Variants in ZFP1 observed in about 807,000 individuals in gnomAD.
The protein encoded by ZFP1 is ZFP1 zinc finger protein, also known as zinc finger protein 1 homolog.
A neutral mutation model predicts 38.5 loss-of-function variants in ZFP1; 32 were observed. The ratio of observed to expected loss-of-function variants is 0.83; its 90% CI spans 0.63 to 1.12. The LOEUF (loss-of-function observed/expected upper bound fraction) is 1.12, where lower values mean the gene tolerates loss of function less well. Among genes scored for constraint, ZFP1 ranks in the 50% most tolerant of loss-of-function variants. The probability of loss-of-function intolerance (pLI) is 0.00; values close to 1 mark genes in which losing one functional copy is unlikely to be tolerated. For missense variants in ZFP1, 616 were observed against 480.8 expected (o/e 1.28, Z -2.63); for synonymous variants, 245 against 168.8 (o/e 1.45, Z -3.50).
At chr16:75,135,231 A>AAAC in the ZFP1 span, among the ~76,000 whole-genome samples, 2 of 8,928 alleles carry the variant, frequency 2.2e-4, no homozygotes, top group East Asian at 1.3e-3. Context: ...AAAAAAAAAA[A>AAAC]AACCACTGGA....
At chr16:75,129,091 G>C in the ZFP1 span, among the ~76,000 whole-genome samples, 5 of 152,284 alleles carry the variant, frequency 3.3e-5, no homozygotes, top group African/African-American at 1.2e-4. Flanking sequence ...CGCCGGGCCA[G>C]CCACTTTCGT....
chr16:75,159,722 A>C (rs1029619093), intron 2 of ZFP1, among the ~76,000 whole-genome samples: 1 of 151,920 alleles, frequency 6.6e-6, no homozygotes, highest in Admixed American at 6.6e-5. Flanking sequence ...TTGCTTTTTC[A>C]CATGTCTAGC....
In ZFP1 at chr16:75,171,829, G is replaced by C. The variant is rs1338662357; in HGVS notation, c.*1495G>C. 6.6e-6 allele frequency: 1 copy of C among 152,114 alleles called. No homozygotes were observed. Among genetic ancestry groups the C allele is most frequent in the East Asian group, 1.9e-4 (1 of 5,196 alleles). The allele number at this position is 152,114 out of a possible 1,614,324, so 9.4% of individuals were successfully genotyped here. On this transcript the variant is annotated 3_prime_UTR_variant, in exon 4 of 4. Transcript: ENST00000570010. ...TCATCTTACTTACTCACAAAGGAGG[G>C]GAAAACGTTATTTTCATAGCTGCTT...
chr16:75,129,215 C>T, the ZFP1 span, among the ~76,000 whole-genome samples: 2 of 152,078 alleles, frequency 1.3e-5, no homozygotes, highest in South Asian at 2.1e-4. Context: ...CTTCAGAGGA[C>T]GTGAGACTTC....
the ZFP1 span, among the ~76,000 whole-genome samples, chr16:75,119,999 A>C: frequency 6.6e-6 from 1 of 152,266 alleles, no homozygotes; most frequent in Non-Finnish European, 1.5e-5. Flanking sequence ...AAACTGAAAG[A>C]GCAATGGCTG....
intron 2 of ZFP1, 33 bp from the exon 3 acceptor site, chr16:75,166,737 C>G: frequency 1.2e-6 from 2 of 1,613,710 alleles, no homozygotes; most frequent in Non-Finnish European, 1.7e-6. Context: ...ACCAAATGAT[C>G]ATCTTAGGAT....
chr16:75,148,483 T>G (rs1024834595), upstream of ZFP1: 1 of 151,682 alleles, frequency 6.6e-6, no homozygotes, highest in African/African-American at 2.4e-5. Flanking sequence ...CCCGCGCCCC[T>G]GTTTCTGCGC....
intron 2 of ZFP1, among the ~76,000 whole-genome samples, chr16:75,155,373 A>G (rs2037419749): frequency 6.6e-6 from 1 of 152,142 alleles, no homozygotes; most frequent in Non-Finnish European, 1.5e-5. Context: ...AGCTCAAGCA[A>G]TCCATGTCCA....
chr16:75,147,422 T>TG (rs775436048), upstream of ZFP1, among the ~76,000 whole-genome samples: 3 of 151,082 alleles, frequency 2.0e-5, no homozygotes, highest in Non-Finnish European at 4.4e-5. Flanking sequence ...GGACTACAGG[T>TG]GCGTGCCACC....
chr16:75,127,247 C>T, the ZFP1 span, among the ~76,000 whole-genome samples: 47,760 of 151,906 alleles, frequency 0.31, 7,676 homozygotes, highest in Non-Finnish European at 0.34. Flanking sequence ...AAAACTCTAA[C>T]AGGTGCTCTT....
chr16:75,152,856 G>A, intron 1 of ZFP1, 53 bp from the exon 2 acceptor site: 1 of 1,533,756 alleles, frequency 6.5e-7, no homozygotes, highest in Non-Finnish European at 8.9e-7. Context: ...TCTAGGAGTT[G>A]TAAGGCAGGT....
chr16:75,158,519 T>A (rs2037581117), intron 2 of ZFP1, among the ~76,000 whole-genome samples: 1 of 151,308 alleles, frequency 6.6e-6, no homozygotes, highest in East Asian at 2.0e-4. Context: ...TTAATTTTTT[T>A]TATTTTTTTT....
At chr16:75,120,496 C>T in the ZFP1 span, among the ~76,000 whole-genome samples, 1 of 151,670 alleles carries the variant, frequency 6.6e-6, no homozygotes, top group African/African-American at 2.4e-5. Context: ...ATTGTTGTTA[C>T]CTGTTTGTGG....
At chr16:75,168,620 G>A (rs779410423) in intron 3 of ZFP1, among the ~76,000 whole-genome samples, 23 of 152,088 alleles carry the variant, frequency 1.5e-4, no homozygotes, top group Non-Finnish European at 2.9e-4. Flanking sequence ...TAGCGAATGA[G>A]TTTCTGGATT....
chr16:75,130,571 T>A, the ZFP1 span, among the ~76,000 whole-genome samples: 1 of 152,262 alleles, frequency 6.6e-6, no homozygotes, highest in East Asian at 1.9e-4. Flanking sequence ...ACTCCTGAGA[T>A]CTTATTGGGA....
At position 75,170,119 on chromosome 16, in the gene ZFP1, T is replaced by A. The variant is rs766673749; in HGVS notation, c.1009T>A (p.Ser337Thr). Residue 337 changes from serine to threonine, a missense_variant, in exon 4 of 4, where the codon TCA (serine) becomes ACA (threonine). By Grantham distance (58) the Ser-to-Thr change is moderately conservative. Coordinates refer to ENST00000570010, the MANE Select transcript of ZFP1 (RefSeq NM_153688.4). ...ATGTGGAAAATCCTTTATCCAGAAC[T>A]CACAGCTCATCATACACATGAGAAC... Reference protein sequence around the residue: ...SECGKSFIQNSQLIIHMRTHT... With the variant: ...SECGKSFIQNTQLIIHMRTHT... 6.2e-7 allele frequency: 1 copy of A among 1,614,050 alleles called. No individual in the cohort carries two copies. The highest frequency in any genetic ancestry group is 8.5e-7 in the Non-Finnish European group (1 of 1,179,948).
chr16:75,141,332 A>C, the ZFP1 span, among the ~76,000 whole-genome samples: 1 of 150,132 alleles, frequency 6.7e-6, no homozygotes, highest in Non-Finnish European at 1.5e-5. Flanking sequence ...CCTCCCGAGT[A>C]GCTGGGACTA....
At chr16:75,121,102 A>G in the ZFP1 span, among the ~76,000 whole-genome samples, 1 of 152,184 alleles carries the variant, frequency 6.6e-6, no homozygotes, top group African/African-American at 2.4e-5. Flanking sequence ...AGATCCACTT[A>G]AAAGGTAGTC....
At chr16:75,153,297 A>G (rs2037298627) in intron 2 of ZFP1, among the ~76,000 whole-genome samples, 2 of 152,178 alleles carry the variant, frequency 1.3e-5, no homozygotes, top group Non-Finnish European at 2.9e-5. Context: ...CCTCAGTGCA[A>G]GTGCAGAAGA....
Sources: gnomAD v4.1 joint callset for allele counts (sites outside exome capture counted in the v4.1 genomes callset) on GRCh38, gnomAD v4.1.1 for gene constraint, MANE v1.5 for transcripts, NCBI Gene and HGNC (gene_info 2026-07-23, HGNC 2026-07-21) for gene names.